CAMK4: variants seen among roughly 807,000 people sequenced by gnomAD.
CAMK4 encodes calcium/calmodulin dependent protein kinase IV, also known as calcium/calmodulin-dependent protein kinase type IV.
In CAMK4, 22 loss-of-function variants were observed where a neutral mutation model predicts 44.9. The observed-to-expected ratio is 0.49, with a 90% CI of 0.35 to 0.70. The LOEUF (loss-of-function observed/expected upper bound fraction) is 0.70, where lower values mean the gene tolerates loss of function less well. Among genes scored for constraint, CAMK4 ranks in the 30% least tolerant of loss-of-function variants. CAMK4 has a pLI of 0.01. For missense variants in CAMK4, 498 were observed against 586.8 expected, an observed-to-expected ratio of 0.85 and a Z score of 1.56; for synonymous variants, 218 against 215.4, an observed-to-expected ratio of 1.01 and a Z score of -0.11.
intron 5 of CAMK4, among the ~76,000 whole-genome samples, chr5:111,418,153 AAG>A (rs1319159225): frequency 6.6e-6 from 1 of 152,196 alleles, no homozygotes; most frequent in Non-Finnish European, 1.5e-5. Context: ...CAGAGTACAA[AAG>A]AGAGAAATTT....
chr5:111,228,782 C>T (rs927914584), intron 1 of CAMK4, among the ~76,000 whole-genome samples: 4 of 152,230 alleles, frequency 2.6e-5, no homozygotes, highest in Non-Finnish European at 5.9e-5. Context: ...AAAGAAATTC[C>T]CTGCAGACCA....
At chr5:111,474,987 C>T (rs896401852) in intron 8 of CAMK4, among the ~76,000 whole-genome samples, 11 of 152,100 alleles carry the variant, frequency 7.2e-5, no homozygotes, top group Admixed American at 6.6e-4. Flanking sequence ...CGTGGTGAAA[C>T]CCCGTCTCTA....
Position 111,492,945 on chromosome 5 carries a change from A to G in CAMK4, c.*8479A>G, listed in dbSNP as rs1755907862. The G allele has an allele frequency of 6.6e-6, 1 of 152,258 alleles. No individual in the cohort carries two copies. Among genetic ancestry groups the G allele is most frequent in the South Asian group, 2.1e-4 (1 of 4,828 alleles). 9.4% of individuals were successfully genotyped at this position (152,258 alleles called of 1,614,324 possible). On this transcript the variant is annotated 3_prime_UTR_variant, in exon 11 of 11. Coordinates refer to ENST00000282356, the MANE Select transcript of CAMK4 (RefSeq NM_001744.6). ...AAAGCTTTATGGAAACACAGGCTGT[A>G]TGTGAAAGATGGGTGAATCTTTGCA...
intron 5 of CAMK4, among the ~76,000 whole-genome samples, chr5:111,399,666 C>A (rs979152986): frequency 6.6e-6 from 1 of 152,168 alleles, no homozygotes; most frequent in Admixed American, 6.6e-5. Flanking sequence ...TACTAAACAT[C>A]TTTACTGTTA....
chr5:111,414,570 T>C (rs1580721250), intron 5 of CAMK4, among the ~76,000 whole-genome samples: 1 of 152,188 alleles, frequency 6.6e-6, no homozygotes, highest in African/African-American at 2.4e-5. Context: ...AGACATGACA[T>C]AGAAATAGAA....
intron 1 of CAMK4, among the ~76,000 whole-genome samples, chr5:111,292,433 G>GTA (rs1415065072): frequency 6.6e-6 from 1 of 151,990 alleles, no homozygotes; most frequent in Non-Finnish European, 1.5e-5. Flanking sequence ...ATATATATGT[G>GTA]TATATATATG....
chr5:111,245,164 C>A (rs75503445), intron 1 of CAMK4, among the ~76,000 whole-genome samples: 16,992 of 151,954 alleles, frequency 0.11, 1,254 homozygotes, highest in East Asian at 0.31. Flanking sequence ...CATATTGATT[C>A]CATAAGTTAT....
chr5:111,371,930 T>C (rs1309400621), intron 2 of CAMK4, among the ~76,000 whole-genome samples: 1 of 152,132 alleles, frequency 6.6e-6, no homozygotes, highest in East Asian at 1.9e-4. Context: ...AACAGCAGAA[T>C]TGAGGTACAA....
intron 1 of CAMK4, among the ~76,000 whole-genome samples, chr5:111,236,305 C>G (rs933552085): frequency 6.6e-6 from 1 of 152,238 alleles, no homozygotes; most frequent in Admixed American, 6.5e-5. Context: ...CAGCCTCCTT[C>G]CCCACCACTT....
Position 111,342,422 on chromosome 5 carries a change from C to T in CAMK4, c.162-1602C>T, listed in dbSNP as rs73232065. ...TTAGTCTGATATTAATAAGCTGTTC[C>T]TGCTTTCTTATGGTTAGGGTTTGTG... On this transcript the variant is annotated intron_variant, in intron 1 of 10. Coordinates refer to ENST00000282356, the MANE Select transcript of CAMK4 (RefSeq NM_001744.6). Among the ~76,000 whole-genome samples the T allele has an allele frequency of 1.7e-3, 253 of 151,448 alleles. 2 individuals carry two copies. The highest frequency in any genetic ancestry group is 5.7e-3 in the African/African-American group (236 of 41,430).
chr5:111,420,138 C>G (rs2112914992), intron 5 of CAMK4, among the ~76,000 whole-genome samples: 1 of 149,834 alleles, frequency 6.7e-6, no homozygotes, highest in South Asian at 2.1e-4. Flanking sequence ...GTTTGTAGTT[C>G]TCCTTGAAGA....
intron 1 of CAMK4, among the ~76,000 whole-genome samples, chr5:111,250,650 T>C (rs1397477775): frequency 6.6e-6 from 1 of 152,208 alleles, no homozygotes; most frequent in African/African-American, 2.4e-5. Context: ...TCTTTGTCTT[T>C]TCTATTCTTA....
At position 111,485,506 on chromosome 5, in the gene CAMK4, A is replaced by G. The variant is rs1755581784; in HGVS notation, c.*1040A>G. 6.6e-6 allele frequency: 1 copy of G among 152,192 alleles called. No individual in the cohort carries two copies. The highest frequency in any genetic ancestry group is 2.1e-4 in the South Asian group (1 of 4,836). 9.4% of individuals were successfully genotyped at this position (152,192 alleles called of 1,614,324 possible). ...ATTATTGACTTTAATAGAGTAAGAA[A>G]ACATTATTGTTTATCAAAGCTCTTT... On this transcript the variant is annotated 3_prime_UTR_variant, in exon 11 of 11. Transcript: ENST00000282356.
chr5:111,303,435 C>G (rs2112652851), intron 1 of CAMK4, among the ~76,000 whole-genome samples: 1 of 50,184 alleles, frequency 2.0e-5, no homozygotes, highest in South Asian at 7.8e-4. Flanking sequence ...GGCTCGAGAA[C>G]TACGTGAAGA....
chr5:111,459,104 C>T (rs1048686720), intron 7 of CAMK4, among the ~76,000 whole-genome samples: 6 of 152,048 alleles, frequency 3.9e-5, no homozygotes, highest in South Asian at 4.1e-4. Context: ...AGCATATAGA[C>T]GGTATTTCAA....
chr5:111,400,028 T>C (rs1752165519), intron 5 of CAMK4, among the ~76,000 whole-genome samples: 1 of 152,168 alleles, frequency 6.6e-6, no homozygotes, highest in Non-Finnish European at 1.5e-5. Flanking sequence ...GTGCCCCACA[T>C]AACACAGAAG....
chr5:111,392,608 G>C (rs2112857241), intron 4 of CAMK4, among the ~76,000 whole-genome samples: 1 of 151,480 alleles, frequency 6.6e-6, no homozygotes, highest in South Asian at 2.1e-4. Flanking sequence ...AAATTAAAGA[G>C]GAAAAGCACA....
At chr5:111,376,664 A>G (rs1473006669) in intron 3 of CAMK4, among the ~76,000 whole-genome samples, 196 bp from the exon 4 acceptor site, 1 of 152,140 alleles carries the variant, frequency 6.6e-6, no homozygotes, top group Non-Finnish European at 1.5e-5. Context: ...CTTTGAAAAA[A>G]ATGAGGTAAC....
At chr5:111,269,459 C>G (rs1292123383) in intron 1 of CAMK4, among the ~76,000 whole-genome samples, 1 of 152,138 alleles carries the variant, frequency 6.6e-6, no homozygotes, top group Non-Finnish European at 1.5e-5. Context: ...ATAGTGGCCA[C>G]ATAACCAGTC....
Sources: allele counts gnomAD v4.1 joint callset (sites outside exome capture counted in the v4.1 genomes callset), GRCh38; gene constraint gnomAD v4.1.1; transcripts MANE v1.5; gene names NCBI Gene and HGNC (gene_info 2026-07-23, HGNC 2026-07-21).